FHDC1: variants seen among roughly 807,000 people sequenced by gnomAD.
The protein encoded by FHDC1 is FH2 domain-containing protein 1.
In FHDC1, 25 loss-of-function variants were observed where a neutral mutation model predicts 52.6. The ratio of observed to expected loss-of-function variants is 0.48; its 90% CI spans 0.35 to 0.66. The LOEUF (loss-of-function observed/expected upper bound fraction) is 0.66, where lower values mean the gene tolerates loss of function less well. Among genes scored for constraint, FHDC1 ranks in the 30% least tolerant of loss-of-function variants. The probability of loss-of-function intolerance (pLI) is 0.01; values close to 1 mark genes in which losing one functional copy is unlikely to be tolerated. For synonymous variants in FHDC1, 616 were observed against 581.5 expected (o/e 1.06, Z -0.85); for missense variants, 1,459 against 1,452.8 (o/e 1.00, Z -0.07).
Position 152,949,124 on chromosome 4 carries a change from T to TAATAATAAGAAG in FHDC1, c.499-4373_499-4372insTAATAAGAAGAA, listed in dbSNP as rs1347590282. Among the ~76,000 whole-genome samples, 375 of 74,676 alleles carry TAATAATAAGAAG rather than the reference T, an allele frequency of 5.0e-3. 2 individuals carry two copies. Among genetic ancestry groups the TAATAATAAGAAG allele is most frequent in the East Asian group, 0.012 (27 of 2,172 alleles). The allele number at this position is 74,676 out of a possible 152,430, so 49.0% of individuals were successfully genotyped here. On this transcript the variant is annotated intron_variant, in intron 2 of 11. Transcript: ENST00000511601. ...ATAATAATAATAATAATAATAATAATAAGAAGAAGAAGAAGAAGAAGAAGA... is the reference window on the plus strand; with the variant it reads ...ATAATAATAATAATAATAATAATAATAATAATAAGAAGAAGAAGAAGAAGAAGAAGAAGAAGA...
chr4:152,925,984 T>A, the FHDC1 span, among the ~76,000 whole-genome samples: 1 of 152,016 alleles, frequency 6.6e-6, no homozygotes, highest in African/African-American at 2.4e-5. Context: ...CTTGTCTGTT[T>A]ACGCTCTTGG....
the FHDC1 span, among the ~76,000 whole-genome samples, chr4:152,930,738 T>C: frequency 6.6e-6 from 1 of 152,190 alleles, no homozygotes; most frequent in Non-Finnish European, 1.5e-5. Flanking sequence ...TGTTGTGGAC[T>C]GGTTTATTAT....
chr4:152,928,291 A>G, the FHDC1 span: 3 of 572,110 alleles, frequency 5.2e-6, 1 homozygote, highest in South Asian at 5.9e-5. Flanking sequence ...ATGTCCCTCA[A>G]AAAAAAACTC....
chr4:152,954,112 A>AGGT, intron 3 of FHDC1, 105 bp from the exon 4 acceptor site: 1 of 899,736 alleles, frequency 1.1e-6, no homozygotes, highest in South Asian at 1.6e-5. Flanking sequence ...TCTGGGAAGG[A>AGGT]GGTGGGTGGG....
upstream of FHDC1, among the ~76,000 whole-genome samples, chr4:152,931,455 AACAC>A (rs56142204): frequency 0.14 from 17,827 of 126,944 alleles, 1,354 homozygotes; most frequent in Non-Finnish European, 0.18. Flanking sequence ...CAGCCTCTAA[AACAC>A]ACACACACAC....
chr4:152,964,266 A>G (rs893591952), intron 8 of FHDC1, among the ~76,000 whole-genome samples: 2 of 152,182 alleles, frequency 1.3e-5, no homozygotes, highest in Non-Finnish European at 2.9e-5. Flanking sequence ...ACAAAGGGCC[A>G]TGTTTAGCTT....
rs767171131 is a variant in FHDC1 at position 152,963,113 on chromosome 4, C to A, written c.1012C>A (p.Leu338Met). 5.0e-6 allele frequency: 8 copies of A among 1,613,970 alleles called. No homozygotes were observed. The highest frequency in any genetic ancestry group is 5.9e-6 in the Non-Finnish European group (7 of 1,180,008). Reference protein sequence around the residue: ...TKANKPGMNLLHFVAQEAQKK... With the variant: ...TKANKPGMNLMHFVAQEAQKK... ...AGCAAACAAACCTGGGATGAATCTC[C>A]TGCACTTTGTTGCACAGGTATGTGG... Residue 338 changes from leucine (L) to methionine (M), a missense_variant, in exon 8 of 12, where the codon CTG (leucine) becomes ATG (methionine). By Grantham distance (15) the Leu-to-Met change is conservative. Around this residue, in one of 3 missense-constraint regions of FHDC1, gnomAD observed 513 missense variants for 581.5 expected, o/e 0.88. Transcript: ENST00000511601.
intron 1 of FHDC1, among the ~76,000 whole-genome samples, chr4:152,939,099 G>A (rs1739501988): frequency 6.6e-6 from 1 of 152,068 alleles, no homozygotes; most frequent in Non-Finnish European, 1.5e-5. Flanking sequence ...TTTTGTTGTT[G>A]CGACGGAGTC....
At chr4:152,969,641 C>T (rs10008159) in intron 10 of FHDC1, among the ~76,000 whole-genome samples, 99,275 of 151,230 alleles carry the variant, frequency 0.66, 35,513 homozygotes, top group Non-Finnish European at 0.81. Flanking sequence ...TTGTTTTAAC[C>T]CTTTACACTT....
At chr4:152,974,551 A>G in intron 11 of FHDC1, 124 bp from the exon 12 acceptor site, 1 of 1,397,926 alleles carries the variant, frequency 7.2e-7, no homozygotes, top group Non-Finnish European at 9.4e-7. Context: ...TTCTCAGTGT[A>G]AGACATGACC....
chr4:152,927,408 T>C, the FHDC1 span: 1 of 776,404 alleles, frequency 1.3e-6, no homozygotes, highest in South Asian at 1.4e-5. Context: ...GAAAGTTTAT[T>C]TTGCCGGGAC....
chr4:152,950,114 G>A (rs999456322), intron 2 of FHDC1, among the ~76,000 whole-genome samples: 2 of 152,138 alleles, frequency 1.3e-5, no homozygotes, highest in Non-Finnish European at 2.9e-5. Flanking sequence ...GTCAGCTTGT[G>A]CAGCCAGTGA....
At chr4:152,963,231 A>G (rs1579097215) in intron 8 of FHDC1, 101 bp downstream of exon 8, 1 of 997,014 alleles carries the variant, frequency 1.0e-6, no homozygotes, top group South Asian at 1.4e-5. Flanking sequence ...GGGTTAGGAA[A>G]GGGCATGGCA....
At chr4:152,940,287 G>C (rs1301385265) in intron 1 of FHDC1, among the ~76,000 whole-genome samples, 1 of 152,240 alleles carries the variant, frequency 6.6e-6, no homozygotes, top group Non-Finnish European at 1.5e-5. Context: ...GGATCCTTGT[G>C]TGTTACCCTT....
At chr4:152,934,833 T>C (rs182041922), upstream of FHDC1, among the ~76,000 whole-genome samples, 18 of 152,186 alleles carry the variant, frequency 1.2e-4, no homozygotes, top group African/African-American at 3.9e-4. Flanking sequence ...CTCAATACAG[T>C]TGGGGGGAGG....
chr4:152,976,812 G>A lies in FHDC1; in HGVS notation c.*89G>A. The A allele has an allele frequency of 7.0e-7, 1 of 1,425,950 alleles. No homozygotes were observed. Among genetic ancestry groups the A allele is most frequent in the Non-Finnish European group, 9.2e-7 (1 of 1,084,196 alleles). The allele number at this position is 1,425,950 out of a possible 1,614,324, so 88.3% of individuals were successfully genotyped here. ...ATGGGGAAAGAGGCAGCATGTCTTT[G>A]TTACAGATAAAGCAGCCACTGGTGC... On this transcript the variant is annotated 3_prime_UTR_variant, in exon 12 of 12. Coordinates refer to ENST00000511601, the MANE Select transcript of FHDC1 (RefSeq NM_001371116.1).
At chr4:152,936,040 TCTCTCGGTGG>T (rs758580881), upstream of FHDC1, among the ~76,000 whole-genome samples, 1,191 of 151,688 alleles carry the variant, frequency 7.9e-3, 21 homozygotes, top group Non-Finnish European at 0.011. Flanking sequence ...CGCCCCTACT[TCTCTCGGTGG>T]CCCCCGGCCT....
the FHDC1 span, among the ~76,000 whole-genome samples, chr4:152,928,764 T>C: frequency 6.6e-6 from 1 of 151,992 alleles, no homozygotes; most frequent in South Asian, 2.1e-4. Flanking sequence ...ATGATAAACG[T>C]CATCTGCTGG....
chr4:152,949,261 C>T (rs375777155), intron 2 of FHDC1, among the ~76,000 whole-genome samples: 10 of 151,908 alleles, frequency 6.6e-5, no homozygotes, highest in African/African-American at 1.4e-4. Context: ...GGATAGCTTG[C>T]GGCCAGGAAT....
Sources: gnomAD v4.1 joint callset for allele counts (sites outside exome capture counted in the v4.1 genomes callset) on GRCh38, gnomAD v4.1.1 for gene constraint, gnomAD v4.1.1 regional missense constraint, MANE v1.5 for transcripts, NCBI Gene and HGNC (gene_info 2026-07-23, HGNC 2026-07-21) for gene names.